The following CYRIA variants were observed in gnomAD, a reference collection of about 807,000 sequenced individuals.
The protein encoded by CYRIA is CYFIP related Rac1 interactor A.
In CYRIA, 15 loss-of-function variants were observed where a neutral mutation model predicts 43.9. That is an observed-to-expected ratio of 0.34 (90% CI 0.23 to 0.53). The LOEUF (loss-of-function observed/expected upper bound fraction) is 0.53, where lower values mean the gene tolerates loss of function less well. Among genes scored for constraint, CYRIA ranks in the 20% least tolerant of loss-of-function variants. The pLI is 0.94. For synonymous variants in CYRIA, 117 were observed against 136.0 expected, an observed-to-expected ratio of 0.86 and a Z score of 0.97; for missense variants, 236 against 394.2, an observed-to-expected ratio of 0.60 and a Z score of 3.40.
intron 1 of CYRIA, among the ~76,000 whole-genome samples, chr2:16,659,876 C>A (rs1452836805): frequency 6.6e-6 from 1 of 152,154 alleles, no homozygotes; most frequent in African/African-American, 2.4e-5. Flanking sequence ...GGTCAACCTT[C>A]TTCTGCATTC....
At chr2:16,575,525 T>C (rs972776174) in intron 3 of CYRIA, among the ~76,000 whole-genome samples, 6 of 152,100 alleles carry the variant, frequency 3.9e-5, no homozygotes, top group Non-Finnish European at 7.4e-5. Flanking sequence ...GTTCTTGTGA[T>C]AGTGAAAAAG....
At chr2:16,665,387 C>A (rs576766765) in intron 1 of CYRIA, among the ~76,000 whole-genome samples, 5 of 151,970 alleles carry the variant, frequency 3.3e-5, no homozygotes, top group South Asian at 4.2e-4. Context: ...TAGAGAGTAC[C>A]CAGGACCCCG....
At chr2:16,577,413 T>C (rs1387350896) in intron 3 of CYRIA, among the ~76,000 whole-genome samples, 1 of 152,164 alleles carries the variant, frequency 6.6e-6, no homozygotes, top group African/African-American at 2.4e-5. Context: ...ACAAAGAATA[T>C]TGCGCTCACC....
intron 3 of CYRIA, among the ~76,000 whole-genome samples, chr2:16,583,164 A>G (rs963891489): frequency 3.9e-5 from 6 of 152,174 alleles, no homozygotes; most frequent in Admixed American, 6.5e-5. Flanking sequence ...TTTTCTTTGG[A>G]GAAATGTCCA....
chr2:16,581,707 A>G (rs1236548662), intron 3 of CYRIA, among the ~76,000 whole-genome samples: 1 of 152,198 alleles, frequency 6.6e-6, no homozygotes, highest in Non-Finnish European at 1.5e-5. Flanking sequence ...TTCCACTCCT[A>G]GGTATTTACC....
intron 1 of CYRIA, among the ~76,000 whole-genome samples, chr2:16,634,997 T>C (rs557985344): frequency 6.6e-6 from 1 of 152,330 alleles, no homozygotes; most frequent in East Asian, 1.9e-4. Flanking sequence ...AGACTTAAAT[T>C]GTAGCTAAAG....
intron 3 of CYRIA, among the ~76,000 whole-genome samples, chr2:16,574,633 G>T (rs1572470311): frequency 6.6e-6 from 1 of 152,188 alleles, no homozygotes; most frequent in East Asian, 1.9e-4. Context: ...TGACTAAAAG[G>T]TACCAAGGTA....
rs78548966 is a variant in CYRIA, at chr2:16,619,860, G to A, written c.-11+4004C>T. Among the ~76,000 whole-genome samples the A allele has an allele frequency of 5.0e-3, 754 of 152,244 alleles. 5 individuals are homozygous for A. Among genetic ancestry groups the A allele is most frequent in the African/African-American group, 0.017 (714 of 41,528 alleles). On this transcript the variant is annotated intron_variant, in intron 2 of 11. Transcript: ENST00000381323. ...GCCCTTATTTATAGAGTGCAGTTCT[G>A]TACCTGAGCATCTCTCTTCCAGCTC... is the stretch of plus-strand genomic sequence containing the variant.
At chr2:16,662,614 G>C (rs1157679551) in intron 1 of CYRIA, among the ~76,000 whole-genome samples, 2 of 152,222 alleles carry the variant, frequency 1.3e-5, no homozygotes, top group African/African-American at 4.8e-5. Context: ...ACTTCTACGA[G>C]AGGATGAGTC....
chr2:16,664,145 G>A (rs1017856298), intron 1 of CYRIA, among the ~76,000 whole-genome samples: 2 of 152,076 alleles, frequency 1.3e-5, no homozygotes, highest in African/African-American at 4.8e-5. Flanking sequence ...GGCAGTATGC[G>A]CCCACTATGT....
At chr2:16,573,477 A>T (rs187750385) in intron 3 of CYRIA, among the ~76,000 whole-genome samples, 146 of 152,322 alleles carry the variant, frequency 9.6e-4, no homozygotes, top group Admixed American at 1.5e-3. Context: ...AGAATTGAAG[A>T]CAGAGAGTAG....
At chr2:16,654,220 C>T (rs1484014796) in intron 1 of CYRIA, among the ~76,000 whole-genome samples, 2 of 152,160 alleles carry the variant, frequency 1.3e-5, no homozygotes, top group Admixed American at 6.5e-5. Context: ...TGCATCTCTC[C>T]GAGTCTTGGT....
intron 2 of CYRIA, among the ~76,000 whole-genome samples, chr2:16,601,937 G>A (rs1668222540): frequency 6.6e-6 from 1 of 152,138 alleles, no homozygotes; most frequent in African/African-American, 2.4e-5. Flanking sequence ...GCAGGCCCAG[G>A]GAACAGGGCA....
At chr2:16,588,169 TA>T (rs745801890) in intron 2 of CYRIA, 40 bp from the exon 3 acceptor site, 215 of 1,343,602 alleles carry the variant, frequency 1.6e-4, no homozygotes, top group South Asian at 2.0e-4. Flanking sequence ...ATTAGCAACA[TA>T]AAAAAAATAG....
At position 16,564,223 on chromosome 2, in the gene CYRIA, G is replaced by A. The variant is rs148783249; in HGVS notation, c.193-129C>T. 1.3e-4 allele frequency: 80 copies of A among 619,336 alleles called. 1 individual carries two copies. In the Middle Eastern group the frequency reaches 1.8e-3, roughly 14 times the overall value. The allele number at this position is 619,336 out of a possible 1,614,324, so 38.4% of individuals were successfully genotyped here. A position where few individuals can be genotyped will look rare whatever the true frequency, so the allele number is the denominator to read the frequency against. ...GATGTATACTACTTAAATCAACACC[G>A]GTTCATCGGATGGTCCTCCAACATG... is the stretch of plus-strand genomic sequence containing the variant. On this transcript the variant is annotated intron_variant, in intron 4 of 11. Coordinates refer to ENST00000381323, the MANE Select transcript of CYRIA (RefSeq NM_030797.4).
At chr2:16,626,209 C>T (rs1240557697) in intron 1 of CYRIA, among the ~76,000 whole-genome samples, 1 of 152,136 alleles carries the variant, frequency 6.6e-6, no homozygotes, top group African/African-American at 2.4e-5. Context: ...CCCTGATGGG[C>T]ACCAAGGGGT....
At chr2:16,644,335 G>A (rs771854277) in intron 1 of CYRIA, among the ~76,000 whole-genome samples, 1 of 152,186 alleles carries the variant, frequency 6.6e-6, no homozygotes, top group Admixed American at 6.5e-5. Flanking sequence ...ACCACACAGG[G>A]AGGTTAAGAC....
chr2:16,630,772 C>T (rs1322386531), intron 1 of CYRIA, among the ~76,000 whole-genome samples: 2 of 152,220 alleles, frequency 1.3e-5, no homozygotes, highest in Non-Finnish European at 2.9e-5. Flanking sequence ...AGCAACAGCA[C>T]AATTGGATGT....
chr2:16,622,140 C>T (rs775795487), intron 2 of CYRIA, among the ~76,000 whole-genome samples: 3 of 152,176 alleles, frequency 2.0e-5, no homozygotes, highest in Non-Finnish European at 4.4e-5. Context: ...AGGATACCGG[C>T]CCCAAATCAA....
Sources: allele counts gnomAD v4.1 joint callset (sites outside exome capture counted in the v4.1 genomes callset), GRCh38; gene constraint gnomAD v4.1.1; transcripts MANE v1.5; gene names NCBI Gene and HGNC (gene_info 2026-07-23, HGNC 2026-07-21).